AK9: variants seen among roughly 807,000 people sequenced by gnomAD.
AK9 encodes the protein adenylate kinase 9.
AK9 carries 191 observed loss-of-function variants against 239.6 expected under a neutral mutation model. The ratio of observed to expected loss-of-function variants is 0.80; its 90% CI spans 0.71 to 0.90. The LOEUF (loss-of-function observed/expected upper bound fraction) is 0.90, where lower values mean the gene tolerates loss of function less well. Among genes scored for constraint, AK9 ranks in the 40% least tolerant of loss-of-function variants. The pLI is 0.00. For missense variants in AK9, 1,995 were observed against 2,214.7 expected, an observed-to-expected ratio of 0.90 and a Z score of 1.99; for synonymous variants, 689 against 721.0, an observed-to-expected ratio of 0.96 and a Z score of 0.71.
intron 25 of AK9, among the ~76,000 whole-genome samples, chr6:109,548,901 G>A (rs1582952010): frequency 1.3e-5 from 2 of 152,168 alleles, no homozygotes; most frequent in Non-Finnish European, 2.9e-5. Context: ...CTAAGAGGTG[G>A]CAGTGGTCCA....
intron 9 of AK9, among the ~76,000 whole-genome samples, chr6:109,643,422 T>C (rs1047722959): frequency 2.6e-5 from 4 of 152,258 alleles, no homozygotes; most frequent in African/African-American, 9.6e-5. Context: ...ATTTCTTAAA[T>C]GTCTCTCAGA....
intron 32 of AK9, among the ~76,000 whole-genome samples, chr6:109,511,026 G>T (rs1778679784): frequency 6.6e-6 from 1 of 150,952 alleles, no homozygotes; most frequent in Non-Finnish European, 1.5e-5. Flanking sequence ...CAGGTATGTG[G>T]CTGATAGATC....
Position 109,585,184 on chromosome 6 carries a change from T to TA in AK9, c.2052dup (p.Lys685Ter), listed in dbSNP as rs764334298. The TA allele has an allele frequency of 2.4e-5, 26 of 1,062,562 alleles. No homozygotes were observed. The highest frequency in any genetic ancestry group is 4.9e-6 in the Non-Finnish European group (4 of 812,854). 65.8% of individuals were successfully genotyped at this position (1,062,562 alleles called of 1,614,324 possible). On this transcript the variant is annotated frameshift_variant, in exon 19 of 41. Coordinates refer to ENST00000424296, the MANE Select transcript of AK9 (RefSeq NM_001145128.3). LOFTEE classifies it high-confidence loss of function. The stretch of plus-strand genomic sequence containing the variant: ...TCTTCTAATAATCTTTCTAAAATCT[T>TA]AGAGTCAATTTCAGATTTCTTCTGT...
chr6:109,559,670 C>T (rs1231543271), intron 24 of AK9, among the ~76,000 whole-genome samples: 2 of 152,146 alleles, frequency 1.3e-5, no homozygotes, highest in African/African-American at 4.8e-5. Flanking sequence ...TTTTTGAATA[C>T]TGATTTTATG....
intron 28 of AK9, among the ~76,000 whole-genome samples, chr6:109,529,496 C>T (rs1386030270): frequency 1.3e-5 from 2 of 152,132 alleles, no homozygotes; most frequent in African/African-American, 4.8e-5. Flanking sequence ...TCACAGAAGA[C>T]AATTTTCCAT....
chr6:109,606,765 T>C (rs955098068), intron 17 of AK9, among the ~76,000 whole-genome samples: 1 of 152,304 alleles, frequency 6.6e-6, no homozygotes, highest in African/African-American at 2.4e-5. Flanking sequence ...CCTTGGGTGC[T>C]CCGTAGCCGG....
At chr6:109,634,130 G>C (rs1737434673) in intron 10 of AK9, among the ~76,000 whole-genome samples, 2 of 152,168 alleles carry the variant, frequency 1.3e-5, no homozygotes, top group African/African-American at 4.8e-5. Flanking sequence ...AGGTAGGACT[G>C]TTAAGAGGTG....
In AK9 at chr6:109,634,324, G is replaced by A. The variant is rs148897206; in HGVS notation, c.934-1001C>T. Among the ~76,000 whole-genome samples the A allele has an allele frequency of 6.9e-3, 1,047 of 152,272 alleles. 13 individuals carry two copies. Among genetic ancestry groups the A allele is most frequent in the African/African-American group, 0.024 (1,013 of 41,546 alleles). On this transcript the variant is annotated intron_variant, in intron 10 of 40. Transcript: ENST00000424296. ...GAAACACAGCACAAAGGCCCTCACC[G>A]GATGCCAGTGCCATGCACTTGGACT...
At chr6:109,643,574 T>C (rs1397261756) in intron 9 of AK9, among the ~76,000 whole-genome samples, 1 of 152,118 alleles carries the variant, frequency 6.6e-6, no homozygotes, top group Non-Finnish European at 1.5e-5. Context: ...TGGAACGGAG[T>C]GATCTTTCTT....
rs1800593238 is a variant in AK9, at chr6:109,662,681, A to G, written c.332-18T>C. 7.2e-7 allele frequency: 1 copy of G among 1,380,498 alleles called. No individual in the cohort carries two copies. Among genetic ancestry groups the G allele is most frequent in the Non-Finnish European group, 9.6e-7 (1 of 1,044,408 alleles). The allele number at this position is 1,380,498 out of a possible 1,614,324, so 85.5% of individuals were successfully genotyped here. ...AATATAACCTGTAAAGTAAAATATA[A>G]TTTTAAAACTTTTATAAAATTATCA... On this transcript the variant is annotated intron_variant, in intron 5 of 40. Coordinates refer to ENST00000424296, the MANE Select transcript of AK9 (RefSeq NM_001145128.3).
chr6:109,605,989 G>C (rs1792820133), intron 17 of AK9, among the ~76,000 whole-genome samples: 1 of 151,976 alleles, frequency 6.6e-6, no homozygotes, highest in African/African-American at 2.4e-5. Context: ...AAGGGCCCCT[G>C]AGAAGCCTTT....
intron 9 of AK9, among the ~76,000 whole-genome samples, chr6:109,643,149 G>C (rs1371929905): frequency 6.6e-6 from 1 of 152,180 alleles, no homozygotes; most frequent in East Asian, 1.9e-4. Flanking sequence ...GAAGTGATCT[G>C]TTGTGTCAAA....
intron 12 of AK9, among the ~76,000 whole-genome samples, chr6:109,619,771 A>G (rs1053072822): frequency 1.3e-5 from 2 of 151,990 alleles, no homozygotes; most frequent in Non-Finnish European, 2.9e-5. Context: ...ATCACTCCCT[A>G]AATTCCCTTA....
At chr6:109,575,538 T>C (rs1350286790) in intron 20 of AK9, among the ~76,000 whole-genome samples, 1 of 152,176 alleles carries the variant, frequency 6.6e-6, no homozygotes, top group Non-Finnish European at 1.5e-5. Flanking sequence ...TTATTTTTTT[T>C]TCTTGCTGAT....
chr6:109,542,093 T>C lies in AK9; in HGVS notation c.3304A>G (p.Ile1102Val). The C allele has an allele frequency of 1.2e-6, 2 of 1,608,708 alleles. No homozygotes were observed. The highest frequency in any genetic ancestry group is 8.5e-7 in the Non-Finnish European group (1 of 1,176,002). The change falls in exon 27 of 41, where the codon ATT becomes GTT. Residue 1102 changes from isoleucine (I) to valine (V), a missense_variant. By Grantham distance (29) the Ile-to-Val change is conservative. This residue lies in a region of AK9 where 1,290 missense variants were observed against 1,392.7 expected (regional missense o/e 0.93). Transcript: ENST00000424296. ...CACTCAGAAAGAATTACTTCAAGAA[T>C]TTCAGGAGGCAAGGGCTCATTTTCC... Reference protein sequence around the residue: ...LMENEPLPPEILEVILSEWWL... With the variant: ...LMENEPLPPEVLEVILSEWWL...
At chr6:109,641,367 TTG>T in intron 10 of AK9, 149 bp downstream of exon 10, 35 of 362,960 alleles carry the variant, frequency 9.6e-5, no homozygotes, top group South Asian at 5.5e-4. Flanking sequence ...TTTTTTTTTT[TTG>T]TAGAGATGGG....
chr6:109,500,032 G>GAC (rs1385241254), intron 35 of AK9, among the ~76,000 whole-genome samples: 13 of 76,386 alleles, frequency 1.7e-4, no homozygotes, highest in African/African-American at 6.8e-4. Context: ...CTATATATAT[G>GAC]ATACACACAC....
intron 27 of AK9, among the ~76,000 whole-genome samples, chr6:109,537,398 G>A (rs1782166148): frequency 6.6e-6 from 1 of 151,474 alleles, no homozygotes; most frequent in Non-Finnish European, 1.5e-5. Flanking sequence ...GCGTAGAGGT[G>A]TTTATAGTAT....
At chr6:109,610,650 G>A (rs1018614461) in intron 16 of AK9, 137 bp from the exon 17 acceptor site, 36 of 958,536 alleles carry the variant, frequency 3.8e-5, no homozygotes, top group South Asian at 1.6e-4. Flanking sequence ...TTGGAAGGAG[G>A]GAGAAATAAG....
Sources: allele counts gnomAD v4.1 joint callset (sites outside exome capture counted in the v4.1 genomes callset), GRCh38; gene constraint gnomAD v4.1.1; regional missense constraint gnomAD v4.1.1; transcripts MANE v1.5; gene names NCBI Gene and HGNC (gene_info 2026-07-23, HGNC 2026-07-21).